Variants in ABCC3 observed in about 807,000 individuals in gnomAD.
The protein encoded by ABCC3 is ATP-binding cassette sub-family C member 3.
Under a neutral mutation model 165.3 loss-of-function variants are expected in ABCC3, and 121 were observed. The ratio of observed to expected loss-of-function variants is 0.73; its 90% CI spans 0.63 to 0.85. The LOEUF is 0.85. Among genes scored for constraint, ABCC3 ranks in the 40% least tolerant of loss-of-function variants. ABCC3 has a pLI of 0.00. For missense variants in ABCC3, 1,869 were observed against 1,964.1 expected, an observed-to-expected ratio of 0.95 and a Z score of 0.92; for synonymous variants, 733 against 810.1, an observed-to-expected ratio of 0.90 and a Z score of 1.62.
In ABCC3 at chr17:50,655,422, C is replaced by CAA. The variant is rs1167212650; in HGVS notation, c.46-406_46-405dup. 5.1e-4 allele frequency among the ~76,000 whole-genome samples: 58 copies of CAA among 113,944 alleles called. 3 individuals are homozygous for CAA. The highest frequency in any genetic ancestry group is 8.9e-4 in the Admixed American group (9 of 10,098). The allele number at this position is 113,944 out of a possible 152,430, so 74.8% of individuals were successfully genotyped here. On this transcript the variant is annotated intron_variant, in intron 1 of 30. Coordinates refer to ENST00000285238, the MANE Select transcript of ABCC3 (RefSeq NM_003786.4). ...TCTGTCTCAAAAAAAAAAAAAAAAA[C>CAA]AAAAACAAAAAAAAAAGAGTGGGAA...
Position 50,659,362 on chromosome 17 carries a change from CG to C in ABCC3, c.802del (p.Ala268HisfsTer33). Reference protein sequence around the residue: ...LEAWRKQEKQTARHKASAAPG... With the variant: ...LEAWRKQEKQXARHKASAAPG... ...GCATGGAGGAAGCAGGAAAAGCAGACGGCACGGTGAGGCCCTCCCCTTGCCC... is the reference window on the plus strand; with the variant it reads ...GCATGGAGGAAGCAGGAAAAGCAGACGCACGGTGAGGCCCTCCCCTTGCCC... On this transcript the variant is annotated frameshift_variant, in exon 7 of 31. Coordinates refer to ENST00000285238, the MANE Select transcript of ABCC3 (RefSeq NM_003786.4). LOFTEE classifies it high-confidence loss of function. 1.2e-6 allele frequency: 2 copies of C among 1,608,482 alleles called. No homozygotes were observed. Among genetic ancestry groups the C allele is most frequent in the South Asian group, 2.2e-5 (2 of 90,874 alleles).
At chr17:50,635,307 C>G (rs1363800962) in intron 1 of ABCC3, 3 of 627,134 alleles carry the variant, frequency 4.8e-6, no homozygotes, top group South Asian at 3.6e-5. Context: ...CCCAGCCCCT[C>G]CGTCGGGTGC....
chr17:50,661,872 C>T (rs914264383), intron 8 of ABCC3, among the ~76,000 whole-genome samples: 1 of 152,110 alleles, frequency 6.6e-6, no homozygotes, highest in Non-Finnish European at 1.5e-5. Flanking sequence ...CACCCACTGG[C>T]TTGGGAGGTC....
Position 50,677,817 on chromosome 17 carries a change from T to G in ABCC3, c.3452T>G (p.Phe1151Cys), listed in dbSNP as rs1248986992. The change falls in exon 24 of 31, where the codon TTT (phenylalanine) becomes TGT (cysteine). Residue 1151 changes from phenylalanine to cysteine, a missense_variant. Phe to Cys is a radical substitution (Grantham distance 205). Coordinates refer to ENST00000285238, the MANE Select transcript of ABCC3 (RefSeq NM_003786.4). ...SVSRSPIYSH[F>C]SETVTGASVI... Reference sequence around the variant, plus strand: ...AGCCGCTCACCTATCTACTCCCACTTTTCGGAGACAGTGACTGGTGCCAGT... The same window carrying G: ...AGCCGCTCACCTATCTACTCCCACTGTTCGGAGACAGTGACTGGTGCCAGT... 2 of 1,614,068 alleles carry G rather than the reference T, an allele frequency of 1.2e-6. No individual in the cohort carries two copies. Among genetic ancestry groups the G allele is most frequent in the Admixed American group, 3.3e-5 (2 of 60,014 alleles).
chr17:50,673,980 CT>C (rs1967726531), intron 19 of ABCC3, among the ~76,000 whole-genome samples: 11 of 9,380 alleles, frequency 1.2e-3, no homozygotes, highest in African/African-American at 3.2e-3. Context: ...TTCTTTCTTT[CT>C]CTCTCTCTCT....
intron 26 of ABCC3, among the ~76,000 whole-genome samples, chr17:50,681,500 A>G (rs1158963662): frequency 6.6e-6 from 1 of 151,820 alleles, no homozygotes; most frequent in African/African-American, 2.4e-5. Context: ...GACGCTTCCC[A>G]TCCACATGCA....
At chr17:50,647,953 C>A (rs979414591) in intron 1 of ABCC3, among the ~76,000 whole-genome samples, 1 of 152,020 alleles carries the variant, frequency 6.6e-6, no homozygotes, top group Admixed American at 6.6e-5. Flanking sequence ...GCAGGAGAAT[C>A]ACCTGAATCC....
intron 23 of ABCC3, 54 bp downstream of exon 23, chr17:50,676,642 C>A: frequency 2.7e-6 from 2 of 740,388 alleles, no homozygotes; most frequent in Non-Finnish European, 4.4e-6. Context: ...GGCGGGGCAA[C>A]ACATGGGCGG....
At chr17:50,688,057 G>A (rs536149417) in intron 30 of ABCC3, among the ~76,000 whole-genome samples, 12 of 151,710 alleles carry the variant, frequency 7.9e-5, no homozygotes, top group South Asian at 2.1e-4. Flanking sequence ...GATTACAGGC[G>A]TGCACCACCA....
intron 11 of ABCC3, 116 bp from the exon 12 acceptor site, chr17:50,667,438 T>C: frequency 1.1e-6 from 1 of 925,330 alleles, no homozygotes; most frequent in East Asian, 2.6e-5. Context: ...TGAGAAGGAA[T>C]GGTGGGCAGC....
intron 1 of ABCC3, among the ~76,000 whole-genome samples, chr17:50,653,358 A>AAAAG (rs1417413413): frequency 6.6e-6 from 1 of 151,040 alleles, no homozygotes; most frequent in African/African-American, 2.4e-5. Flanking sequence ...AAAAAAAAAA[A>AAAAG]AAAAAGAAAA....
chr17:50,689,405 T>C (rs983480457), intron 30 of ABCC3, among the ~76,000 whole-genome samples: 6 of 152,186 alleles, frequency 3.9e-5, no homozygotes, highest in African/African-American at 1.4e-4. Flanking sequence ...GAGAGAGGGC[T>C]GGGTGACTCA....
rs34576333 is a variant in ABCC3, at chr17:50,659,387, C to G, written c.806+19C>G. ...CGGCACGGTGAGGCCCTCCCCTTGC[C>G]CCAACACCCAGCCCCTTCGCTTACC... On this transcript the variant is annotated intron_variant, in intron 7 of 30. Coordinates refer to ENST00000285238, the MANE Select transcript of ABCC3 (RefSeq NM_003786.4). 9.3e-3 allele frequency: 14,889 copies of G among 1,598,820 alleles called. 84 individuals are homozygous for G. Among genetic ancestry groups the G allele is most frequent in the Non-Finnish European group, 0.012 (13,491 of 1,169,088 alleles).
chr17:50,659,669 T>A (rs1967334564), intron 7 of ABCC3, among the ~76,000 whole-genome samples: 1 of 150,858 alleles, frequency 6.6e-6, no homozygotes, highest in Non-Finnish European at 1.5e-5. Context: ...AAGGGTAGGT[T>A]CAAGTGTCCC....
intron 19 of ABCC3, among the ~76,000 whole-genome samples, chr17:50,673,978 TTCTCTCTCTC>T (rs1281173726): frequency 1.1e-4 from 1 of 9,010 alleles, no homozygotes; most frequent in Admixed American, 1.4e-3. Context: ...CTTTCTTTCT[TTCTCTCTCTC>T]TCTCTCTCTC....
intron 1 of ABCC3, among the ~76,000 whole-genome samples, chr17:50,637,830 G>A (rs1037430612): frequency 2.6e-5 from 4 of 152,254 alleles, no homozygotes; most frequent in Non-Finnish European, 4.4e-5. Context: ...AATGTCAGAC[G>A]TGGGAAGACC....
At chr17:50,687,802 AT>A in intron 30 of ABCC3, 72 bp downstream of exon 30, 1 of 1,462,088 alleles carries the variant, frequency 6.8e-7, no homozygotes, top group Non-Finnish European at 9.5e-7. Flanking sequence ...GGCAGGGCAG[AT>A]TAGGGTTATC....
chr17:50,657,183 G>A lies in ABCC3; in HGVS notation c.486G>A (p.Glu162=). Residue 162 remains glutamate (E), a splice_region_variant and synonymous_variant, in exon 4 of 31, where the codon GAG becomes GAA. Coordinates refer to ENST00000285238, the MANE Select transcript of ABCC3 (RefSeq NM_003786.4). ...CCAAGATCCTTTTAGCCAAGGCAGA[G>A]GTAAGGTTGGGGGAGAGGGGAACCT... ...FRSKILLAKA[E]GEISDPFRFT... The A allele has an allele frequency of 6.2e-7, 1 of 1,613,756 alleles. No individual in the cohort carries two copies. Among genetic ancestry groups the A allele is most frequent in the Non-Finnish European group, 8.5e-7 (1 of 1,179,748 alleles).
At chr17:50,643,501 C>T (rs1376085111) in intron 1 of ABCC3, 1 of 455,540 alleles carries the variant, frequency 2.2e-6, no homozygotes, top group Admixed American at 2.4e-5. Flanking sequence ...TGACTGCATG[C>T]TTCACAGAGC....
Sources: gnomAD v4.1 joint callset for allele counts (sites outside exome capture counted in the v4.1 genomes callset) on GRCh38, gnomAD v4.1.1 for gene constraint, MANE v1.5 for transcripts, NCBI Gene and HGNC (gene_info 2026-07-23, HGNC 2026-07-21) for gene names.